The following PCDHA8 variants were observed in gnomAD, a reference collection of about 807,000 sequenced individuals.
PCDHA8 encodes the protein protocadherin alpha 8, also known as protocadherin alpha-8.
A neutral mutation model predicts 61.8 loss-of-function variants in PCDHA8; 53 were observed. The ratio of observed to expected loss-of-function variants is 0.86; its 90% CI spans 0.69 to 1.08. PCDHA8 has a LOEUF of 1.08. PCDHA8 is among the 50% of genes least tolerant of loss of function. PCDHA8 has a pLI of 0.00. For missense variants in PCDHA8, 1,293 were observed against 1,245.0 expected, an observed-to-expected ratio of 1.04 and a Z score of -0.58; for synonymous variants, 618 against 556.6, an observed-to-expected ratio of 1.11 and a Z score of -1.55.
At chr5:140,869,180 T>TG in intron 1 of PCDHA8, 1 of 1,613,322 alleles carries the variant, frequency 6.2e-7, no homozygotes. Context: ...TTCTGGGAGG[T>TG]GGGGAGCGGC....
At chr5:140,851,029 C>G (rs1554145203) in intron 1 of PCDHA8, 3 of 1,410,832 alleles carry the variant, frequency 2.1e-6, no homozygotes, top group African/African-American at 2.9e-5. Context: ...AAGTAAACCC[C>G]TTAACATTGG....
chr5:140,967,903 A>G, intron 1 of PCDHA8: 1 of 1,614,112 alleles, frequency 6.2e-7, no homozygotes, highest in African/African-American at 1.3e-5. Context: ...AGAATGCTAC[A>G]CCCAACACCA....
intron 3 of PCDHA8, among the ~76,000 whole-genome samples, chr5:140,999,225 G>C (rs543011633): frequency 1.3e-5 from 2 of 152,222 alleles, no homozygotes; most frequent in Non-Finnish European, 2.9e-5. Context: ...CTACATTTGA[G>C]AATAGGTGGT....
chr5:140,882,814 A>AGT, intron 1 of PCDHA8: 3 of 1,614,248 alleles, frequency 1.9e-6, no homozygotes, highest in Non-Finnish European at 2.5e-6. Context: ...CTTTGGACGC[A>AGT]CAAAACAGTC....
intron 1 of PCDHA8, chr5:140,882,412 C>A: frequency 6.2e-7 from 1 of 1,614,138 alleles, no homozygotes; most frequent in Non-Finnish European, 8.5e-7. Context: ...TGGGCCGCAT[C>A]GCTCAGGACC....
At chr5:140,952,750 A>T (rs1240610789) in intron 1 of PCDHA8, among the ~76,000 whole-genome samples, 2 of 152,326 alleles carry the variant, frequency 1.3e-5, no homozygotes, top group Non-Finnish European at 2.9e-5. Context: ...CTGCTATAAA[A>T]ACACCTGAGA....
intron 1 of PCDHA8, chr5:140,867,665 T>C (rs2050092984): frequency 6.6e-6 from 1 of 152,154 alleles, no homozygotes; most frequent in Non-Finnish European, 1.5e-5. Context: ...CACTTTCTAC[T>C]CTAAAATTTT....
chr5:140,856,604 G>C lies in PCDHA8; in HGVS notation c.2394+12889G>C, dbSNP rs200468399. 1,451 of 1,597,840 alleles carry C rather than the reference G, an allele frequency of 9.1e-4. 118 individuals are homozygous for C. Among genetic ancestry groups the C allele is most frequent in the Non-Finnish European group, 8.3e-4 (967 of 1,167,426 alleles). ...TGTTCTTGATATTATAAACAAAAAA[G>C]ACAAAGACAAATTCCCAGTGCTTGT... On this transcript the variant is annotated intron_variant, in intron 1 of 3. Coordinates refer to ENST00000531613, the MANE Select transcript of PCDHA8 (RefSeq NM_018911.3).
chr5:141,000,926 G>T (rs1554257936), intron 3 of PCDHA8, among the ~76,000 whole-genome samples: 1 of 151,956 alleles, frequency 6.6e-6, no homozygotes, highest in Non-Finnish European at 1.5e-5. Flanking sequence ...AAAATCCTGT[G>T]TGATTTAGGA....
chr5:140,939,481 A>G (rs1554212745), intron 1 of PCDHA8, among the ~76,000 whole-genome samples: 2 of 152,206 alleles, frequency 1.3e-5, no homozygotes, highest in Non-Finnish European at 2.9e-5. Flanking sequence ...CTTCATGAGA[A>G]TGTTAATTAT....
At chr5:140,916,464 G>T (rs2077577403) in intron 1 of PCDHA8, among the ~76,000 whole-genome samples, 1 of 152,206 alleles carries the variant, frequency 6.6e-6, no homozygotes, top group Non-Finnish European at 1.5e-5. Context: ...ATCACTGCTG[G>T]TTATTTGGTG....
chr5:140,868,853 G>C, intron 1 of PCDHA8: 1 of 466,576 alleles, frequency 2.1e-6, no homozygotes, highest in Non-Finnish European at 3.6e-6. Flanking sequence ...AAATTCTGTG[G>C]TGGTAAATGC....
intron 1 of PCDHA8, chr5:140,882,238 G>T: frequency 6.3e-7 from 1 of 1,583,494 alleles, no homozygotes; most frequent in Non-Finnish European, 8.6e-7. Context: ...TGTATATATT[G>T]CAGATAGCTC....
chr5:140,884,559 C>G lies in PCDHA8; in HGVS notation c.2394+40844C>G. On this transcript the variant is annotated intron_variant, in intron 1 of 3. Transcript: ENST00000531613. ...CCGAGGGTGTGCTCTGGGGAGGGCC[C>G]GCATAAGACGGACCTCATGGCCTTC... The G allele has an allele frequency of 1.2e-6, 2 of 1,614,094 alleles. No individual in the cohort carries two copies. The highest frequency in any genetic ancestry group is 1.7e-5 in the Admixed American group (1 of 59,984).
rs372235129 is a variant in PCDHA8 at position 140,927,231 on chromosome 5, C to T, written c.2395-51718C>T. On this transcript the variant is annotated intron_variant, in intron 1 of 3. Transcript: ENST00000531613. ...TGGAGCTGCACAAGATTCGGATTCA[C>T]GTCCTGGACACCAATGACAACTCAC... 3.7e-6 allele frequency: 6 copies of T among 1,614,020 alleles called. No individual in the cohort carries two copies. In the African/African-American group the frequency reaches 4.0e-5, roughly 11 times the overall value.
At chr5:140,871,117 G>T in intron 1 of PCDHA8, 2 of 1,613,286 alleles carry the variant, frequency 1.2e-6, no homozygotes, top group Non-Finnish European at 1.7e-6. Flanking sequence ...GGTGGAGAGC[G>T]GACAGGCGCC....
intron 1 of PCDHA8, chr5:140,878,044 G>A (rs1554170271): frequency 1.9e-6 from 1 of 516,218 alleles, no homozygotes; most frequent in Admixed American, 3.9e-5. Flanking sequence ...TGGAGGCCAT[G>A]GAGCACCACA....
chr5:140,938,928 T>G (rs1220764640), intron 1 of PCDHA8, among the ~76,000 whole-genome samples: 2 of 152,104 alleles, frequency 1.3e-5, no homozygotes, highest in African/African-American at 4.8e-5. Flanking sequence ...AAATTGGCTT[T>G]TAACTTTCCA....
In PCDHA8 at chr5:140,927,503, C is replaced by T. The variant is rs148532418; in HGVS notation, c.2395-51446C>T. On this transcript the variant is annotated intron_variant, in intron 1 of 3. Transcript: ENST00000531613. ...CGCGCCACCCACCTGCTGGTGCTTA[C>T]AGCTCGGGACGGCGGGCTACCTGCC... The T allele has an allele frequency of 1.2e-4, 190 of 1,614,128 alleles. No homozygotes were observed. In the African/African-American group the frequency reaches 2.3e-3, roughly 19 times the overall value.
Sources: gnomAD v4.1 joint callset for allele counts (sites outside exome capture counted in the v4.1 genomes callset) on GRCh38, gnomAD v4.1.1 for gene constraint, MANE v1.5 for transcripts, NCBI Gene and HGNC (gene_info 2026-07-23, HGNC 2026-07-21) for gene names.